The following WRN variants were observed in gnomAD, a reference collection of about 807,000 sequenced individuals.
WRN encodes bifunctional 3'-5' exonuclease/ATP-dependent helicase WRN.
In WRN, 149 loss-of-function variants were observed where a neutral mutation model predicts 180.7. That is an observed-to-expected ratio of 0.82 (90% confidence interval 0.72 to 0.94). The LOEUF is 0.94. Among genes scored for constraint, WRN ranks in the 40% least tolerant of loss-of-function variants. The pLI is 0.00. For synonymous variants in WRN, 548 were observed against 568.9 expected, an observed-to-expected ratio of 0.96 and a Z score of 0.52; for missense variants, 1,661 against 1,700.1, an observed-to-expected ratio of 0.98 and a Z score of 0.40.
intron 33 of WRN, 99 bp from the exon 34 acceptor site, chr8:31,166,923 C>A (rs1194673288): frequency 2.4e-6 from 3 of 1,238,614 alleles, no homozygotes; most frequent in Non-Finnish European, 3.4e-6. Context: ...CAACCTTCCA[C>A]CTTCCTTTCT....
intron 18 of WRN, among the ~76,000 whole-genome samples, chr8:31,111,364 G>A (rs771727446): frequency 1.3e-5 from 2 of 152,126 alleles, no homozygotes; most frequent in South Asian, 4.1e-4. Context: ...AAAGTAAATG[G>A]CATTTGGAAA....
At chr8:31,068,782 A>C (rs571203853) in intron 7 of WRN, among the ~76,000 whole-genome samples, 1 of 152,368 alleles carries the variant, frequency 6.6e-6, no homozygotes, top group African/African-American at 2.4e-5. Context: ...TGGTCATTTT[A>C]CAGTGCTTTC....
Position 31,143,607 on chromosome 8 carries a change from A to C in WRN, c.3367A>C (p.Asn1123His). ...ATGTGATAAGATTTCTTCTGGGAGTAACATTTCTAAAAAAAGGTACAGAGT... is the reference window on the plus strand; with the variant it reads ...ATGTGATAAGATTTCTTCTGGGAGTCACATTTCTAAAAAAAGGTACAGAGT... Reference protein sequence around the residue: ...KPCDKISSGSNISKKSIMVQS... With the variant: ...KPCDKISSGSHISKKSIMVQS... The change falls in exon 28 of 35, where the codon AAC becomes CAC. Residue 1123 changes from asparagine (N) to histidine (H), a missense_variant. Physicochemically the swap from Asn to His is moderately conservative, Grantham distance 68 (BLOSUM62 1). Coordinates refer to ENST00000298139, the MANE Select transcript of WRN (RefSeq NM_000553.6). The C allele has an allele frequency of 6.3e-7, 1 of 1,587,382 alleles. No homozygotes were observed.
rs1813277773 is a variant in WRN, at chr8:31,080,922, A to G, written c.895A>G (p.Ile299Val). ...SENLYSLRRM[I>V]IGSTNIETEL... ...AAATCTATATTCACTGAGGAGGATG[A>G]TAATTGGGTCTACTAACATTGAGAC... The change falls in exon 9 of 35, where the codon ATA becomes GTA. Residue 299 changes from isoleucine to valine, a missense_variant. Physicochemically the swap from Ile to Val is conservative, Grantham distance 29. Transcript: ENST00000298139. 1 of 1,613,076 alleles carries G rather than the reference A, an allele frequency of 6.2e-7. No homozygotes were observed. The highest frequency in any genetic ancestry group is 1.3e-5 in the African/African-American group (1 of 74,932).
chr8:31,067,234 A>T, intron 6 of WRN, 52 bp downstream of exon 6: 1 of 1,599,768 alleles, frequency 6.3e-7, no homozygotes, highest in South Asian at 1.1e-5. Flanking sequence ...AAACATTATT[A>T]TAAATGACTT....
intron 1 of WRN, among the ~76,000 whole-genome samples, chr8:31,039,475 A>G (rs1811568389): frequency 6.6e-6 from 1 of 152,068 alleles, no homozygotes; most frequent in African/African-American, 2.4e-5. Flanking sequence ...AGATTTTTAT[A>G]TGGGATTATG....
intron 18 of WRN, among the ~76,000 whole-genome samples, chr8:31,109,901 T>C (rs763726414): frequency 2.0e-5 from 3 of 152,196 alleles, no homozygotes; most frequent in Admixed American, 6.5e-5. Flanking sequence ...TGTTAACTTC[T>C]TAAATATATG....
chr8:31,143,437 G>A, intron 27 of WRN, 113 bp from the exon 28 acceptor site: 2 of 694,764 alleles, frequency 2.9e-6, no homozygotes, highest in South Asian at 3.5e-5. Flanking sequence ...TAATTTGACA[G>A]CTTGATTAGG....
chr8:31,102,292 A>G (rs1800905246), intron 18 of WRN, among the ~76,000 whole-genome samples: 1 of 152,230 alleles, frequency 6.6e-6, no homozygotes, highest in Non-Finnish European at 1.5e-5. Context: ...ACATGGAATC[A>G]TGCAATTTGT....
intron 18 of WRN, among the ~76,000 whole-genome samples, chr8:31,110,482 T>A (rs181666192): frequency 2.6e-4 from 39 of 152,308 alleles, no homozygotes; most frequent in Non-Finnish European, 4.0e-4. Flanking sequence ...TTGATTTTTT[T>A]AAATATAAGT....
rs771167567 is a variant in WRN, at chr8:31,143,590, A to C, written c.3350A>C (p.Lys1117Thr). 1 of 1,591,318 alleles carries C rather than the reference A, an allele frequency of 6.3e-7. No individual in the cohort carries two copies. Residue 1117 changes from lysine (K) to threonine (T), a missense_variant, in exon 28 of 35, where the codon AAG becomes ACG. Lys to Thr is a moderately conservative substitution (Grantham distance 78, BLOSUM62 -1). Transcript: ENST00000298139. ...EKLYSYKPCD[K>T]ISSGSNISKK... is the part of the protein sequence containing the mutation. The stretch of plus-strand genomic sequence containing the variant: ...TTATATTCTTATAAACCATGTGATA[A>C]GATTTCTTCTGGGAGTAACATTTCT...
chr8:31,073,953 G>A (rs1160023876), intron 7 of WRN, among the ~76,000 whole-genome samples: 2 of 151,544 alleles, frequency 1.3e-5, no homozygotes, highest in Non-Finnish European at 2.9e-5. Flanking sequence ...GTCTTGCTCA[G>A]TCACCCAGGC....
In WRN at chr8:31,150,495, C is replaced by T. The variant is rs780981985; in HGVS notation, c.3687+40C>T. On this transcript the variant is annotated intron_variant, in intron 31 of 34. Coordinates refer to ENST00000298139, the MANE Select transcript of WRN (RefSeq NM_000553.6). The stretch of plus-strand genomic sequence containing the variant: ...TTTGCAGGAGCTCTTAGAGAATAAG[C>T]ATTTTTTGTAACCATTTCAAAAGTA... 3 of 1,573,878 alleles carry T rather than the reference C, an allele frequency of 1.9e-6. No homozygotes were observed. The South Asian group carries it at 3.3e-5, about 17-fold the overall frequency.
chr8:31,056,731 G>T (rs992946686), intron 1 of WRN, among the ~76,000 whole-genome samples: 3 of 152,092 alleles, frequency 2.0e-5, no homozygotes, highest in African/African-American at 7.2e-5. Flanking sequence ...TGGGACTCCT[G>T]TATTATTAAT....
chr8:31,080,129 C>T (rs1813242578), intron 8 of WRN, among the ~76,000 whole-genome samples: 1 of 152,206 alleles, frequency 6.6e-6, no homozygotes, highest in Non-Finnish European at 1.5e-5. Flanking sequence ...GATTCACCTG[C>T]CTCAGCCTCC....
intron 29 of WRN, 115 bp from the exon 30 acceptor site, chr8:31,147,249 A>C (rs1390613327): frequency 4.8e-6 from 7 of 1,462,744 alleles, no homozygotes; most frequent in Non-Finnish European, 6.7e-6. Flanking sequence ...GTCTGAGTTT[A>C]TATTTCAGTT....
At chr8:31,035,830 A>G (rs1481322599) in intron 1 of WRN, among the ~76,000 whole-genome samples, 1 of 152,196 alleles carries the variant, frequency 6.6e-6, no homozygotes, top group Admixed American at 6.5e-5. Flanking sequence ...TACAACCTTT[A>G]TCACAATTAC....
intron 24 of WRN, among the ~76,000 whole-genome samples, chr8:31,136,103 G>A (rs887934107): frequency 2.0e-5 from 3 of 152,154 alleles, no homozygotes; most frequent in African/African-American, 7.2e-5. Flanking sequence ...CAGTTCAAGC[G>A]ATCCTACTTC....
At chr8:31,161,289 C>T (rs937751832) in intron 33 of WRN, among the ~76,000 whole-genome samples, 3 of 152,020 alleles carry the variant, frequency 2.0e-5, no homozygotes, top group African/African-American at 7.3e-5. Context: ...AGTCATGTGT[C>T]GCTTGATGAT....
Sources: gnomAD v4.1 joint callset for allele counts (sites outside exome capture counted in the v4.1 genomes callset) on GRCh38, gnomAD v4.1.1 for gene constraint, MANE v1.5 for transcripts, NCBI Gene and HGNC (gene_info 2026-07-23, HGNC 2026-07-21) for gene names.